The following TRMT10A variants were observed in gnomAD, a reference collection of about 807,000 sequenced individuals.
TRMT10A encodes tRNA methyltransferase 10 homolog A.
Under a neutral mutation model 40.4 loss-of-function variants are expected in TRMT10A, and 37 were observed. That is an observed-to-expected ratio of 0.92 (90% CI 0.71 to 1.21). The LOEUF (loss-of-function observed/expected upper bound fraction) is 1.21. Ranked by LOEUF, TRMT10A falls within the 50% of genes most tolerant of loss-of-function variation. TRMT10A has a pLI of 0.00. For missense variants in TRMT10A, 388 were observed against 404.3 expected, an observed-to-expected ratio of 0.96 and a Z score of 0.35; for synonymous variants, 103 against 134.1, an observed-to-expected ratio of 0.77 and a Z score of 1.60.
At position 99,549,176 on chromosome 4, in the gene TRMT10A, T is replaced by C. The variant is rs1198571401; in HGVS notation, c.932A>G (p.Tyr311Cys). Residue 311 changes from tyrosine to cysteine, a missense_variant, in exon 8 of 8, where the codon TAT (tyrosine) becomes TGT (cysteine). Physicochemically the swap from Tyr to Cys is radical, Grantham distance 194 (BLOSUM62 -2). Transcript: ENST00000394876. ...TGGTGAATCTAGTTCATTTCTGCTA[T>C]ATTCCTCCTCACTGGAATCACTGTC... ...GSDSDSSEEE[Y>C]SRNELDSPHE... The C allele has an allele frequency of 6.2e-7, 1 of 1,614,126 alleles. No individual in the cohort carries two copies. Among genetic ancestry groups the C allele is most frequent in the Non-Finnish European group, 8.5e-7 (1 of 1,179,996 alleles).
At position 99,550,973 on chromosome 4, in the gene TRMT10A, T is replaced by A. The variant is rs1336111937; in HGVS notation, c.663A>T (p.Gln221His). 9.3e-6 allele frequency: 15 copies of A among 1,611,932 alleles called. No individual in the cohort carries two copies. Among genetic ancestry groups the A allele is most frequent in the Non-Finnish European group, 1.2e-5 (14 of 1,178,952 alleles). Residue 221 changes from glutamine (Q) to histidine (H), a missense_variant, in exon 7 of 8, where the codon CAA becomes CAT. By Grantham distance (24) the Gln-to-His change is conservative. Transcript: ENST00000394876. ...CATGATTGATTCCATAATCTGACGC[T>A]TGTTTATATGTGAGTCCCTAAAACA... The part of the protein sequence containing the change: ...HNHHKGLTYK[Q>H]ASDYGINHAQ...
At chr4:99,550,768 T>C (rs1723930435) in intron 7 of TRMT10A, 117 bp downstream of exon 7, 1 of 698,202 alleles carries the variant, frequency 1.4e-6, no homozygotes, top group African/African-American at 1.9e-5. Context: ...ATTATTACTT[T>C]TTACAATTTT....
chr4:99,561,058 C>T (rs772990803), intron 1 of TRMT10A, among the ~76,000 whole-genome samples: 1 of 151,974 alleles, frequency 6.6e-6, no homozygotes, highest in Non-Finnish European at 1.5e-5. Flanking sequence ...CCTCCGCCTC[C>T]CAGGTTCAGG....
chr4:99,564,030 G>C lies in TRMT10A; in HGVS notation c.-141C>G. On this transcript the variant is annotated 5_prime_UTR_variant, in exon 1 of 8. Coordinates refer to ENST00000394876, the MANE Select transcript of TRMT10A (RefSeq NM_001134665.3). Reference sequence around the variant, plus strand: ...TCAATTCCCAGAGGCAGGGGCGGTAGTTACGCAGTGGAGGCTACGGCGGTT... The same window carrying C: ...TCAATTCCCAGAGGCAGGGGCGGTACTTACGCAGTGGAGGCTACGGCGGTT... 1.3e-6 allele frequency: 2 copies of C among 1,521,410 alleles called. No homozygotes were observed. The highest frequency in any genetic ancestry group is 1.8e-6 in the Non-Finnish European group (2 of 1,134,528). 94.2% of individuals were successfully genotyped at this position (1,521,410 alleles called of 1,614,324 possible).
chr4:99,550,636 A>G (rs1203993465), intron 7 of TRMT10A, among the ~76,000 whole-genome samples: 1 of 152,210 alleles, frequency 6.6e-6, no homozygotes, highest in African/African-American at 2.4e-5. Flanking sequence ...AAAGAACTAG[A>G]GGTCAACACC....
intron 5 of TRMT10A, 93 bp downstream of exon 5, chr4:99,556,053 A>T: frequency 9.0e-7 from 1 of 1,113,846 alleles, no homozygotes; most frequent in Non-Finnish European, 1.3e-6. Flanking sequence ...TTGTTGTATT[A>T]AGTAGCATTA....
chr4:99,559,504 C>A, intron 1 of TRMT10A, 143 bp from the exon 2 acceptor site: 1 of 611,866 alleles, frequency 1.6e-6, no homozygotes, highest in South Asian at 2.7e-5. Flanking sequence ...CATTTAAATA[C>A]CATTTAATAT....
chr4:99,558,583 A>G (rs2110191938), intron 2 of TRMT10A, among the ~76,000 whole-genome samples: 1 of 152,258 alleles, frequency 6.6e-6, no homozygotes, highest in South Asian at 2.1e-4. Flanking sequence ...TAAGGTATAG[A>G]AAAAAGCAAA....
intron 4 of TRMT10A, among the ~76,000 whole-genome samples, chr4:99,556,864 T>A (rs1369523512): frequency 1.3e-5 from 2 of 152,156 alleles, no homozygotes; most frequent in Non-Finnish European, 2.9e-5. Context: ...CCAAATAGTC[T>A]CCCAAATCAC....
intron 4 of TRMT10A, 144 bp from the exon 5 acceptor site, chr4:99,556,364 T>C (rs1328263921): frequency 1.4e-6 from 1 of 718,092 alleles, no homozygotes; most frequent in Non-Finnish European, 2.3e-6. Context: ...ATTTGTGACA[T>C]GCTTTGAGCA....
chr4:99,557,201 T>C (rs1724193991), intron 4 of TRMT10A, 144 bp downstream of exon 4: 2 of 627,858 alleles, frequency 3.2e-6, no homozygotes, highest in Non-Finnish European at 5.3e-6. Flanking sequence ...TTTTGCTTCA[T>C]TTCTGTCAAA....
At chr4:99,549,431 T>C (rs987880416) in intron 7 of TRMT10A, 75 bp from the exon 8 acceptor site, 3 of 1,545,906 alleles carry the variant, frequency 1.9e-6, no homozygotes, top group Non-Finnish European at 2.6e-6. Flanking sequence ...TTAAAATACA[T>C]TGCCTTTGTG....
intron 6 of TRMT10A, among the ~76,000 whole-genome samples, chr4:99,552,634 A>G (rs1039147855): frequency 2.0e-5 from 3 of 152,208 alleles, no homozygotes; most frequent in African/African-American, 4.8e-5. Context: ...GTAAAAAAAA[A>G]TTAAATTTCA....
intron 1 of TRMT10A, among the ~76,000 whole-genome samples, chr4:99,562,515 CTTTTTTTT>C (rs67816425): frequency 1.7e-4 from 13 of 76,664 alleles, no homozygotes; most frequent in South Asian, 5.0e-4. Context: ...AAAGGAATGC[CTTTTTTTT>C]TTTTTTTTTT....
In TRMT10A at chr4:99,548,896, C is replaced by T. The variant is rs955333232; in HGVS notation, c.*192G>A. On this transcript the variant is annotated 3_prime_UTR_variant, in exon 8 of 8. Transcript: ENST00000394876. ...TCACATACACATTTAAATCTTCTTA[C>T]GCAAAATCAAAAAATATTTCCTTAC... The T allele has an allele frequency of 8.3e-5, 44 of 528,924 alleles. No homozygotes were observed. Among genetic ancestry groups the T allele is most frequent in the Middle Eastern group, 5.3e-4 (1 of 1,882 alleles). The allele number at this position is 528,924 out of a possible 1,614,324, so 32.8% of individuals were successfully genotyped here.
chr4:99,549,451 C>T, intron 7 of TRMT10A, 95 bp from the exon 8 acceptor site: 2 of 1,448,798 alleles, frequency 1.4e-6, no homozygotes, highest in Admixed American at 2.0e-5. Context: ...GTTAAGAGTG[C>T]TAGTTTGTCC....
At chr4:99,557,974 G>C in intron 3 of TRMT10A, 75 bp downstream of exon 3, 2 of 1,322,766 alleles carry the variant, frequency 1.5e-6, no homozygotes, top group Non-Finnish European at 2.0e-6. Flanking sequence ...TACATAAAAG[G>C]GATATTGCAT....
At chr4:99,551,574 T>C (rs190969927) in intron 6 of TRMT10A, among the ~76,000 whole-genome samples, 1 of 152,142 alleles carries the variant, frequency 6.6e-6, no homozygotes, top group Non-Finnish European at 1.5e-5. Context: ...CATACAATTA[T>C]GTACAGTACA....
chr4:99,550,506 A>G (rs1723917256), intron 7 of TRMT10A, among the ~76,000 whole-genome samples: 1 of 152,196 alleles, frequency 6.6e-6, no homozygotes, highest in South Asian at 2.1e-4. Context: ...ACCATTAACA[A>G]TCATTCAATG....
Sources: gnomAD v4.1 joint callset for allele counts (sites outside exome capture counted in the v4.1 genomes callset) on GRCh38, gnomAD v4.1.1 for gene constraint, MANE v1.5 for transcripts, NCBI Gene and HGNC (gene_info 2026-07-23, HGNC 2026-07-21) for gene names.